The following CEP128 variants were observed in gnomAD, a reference collection of about 807,000 sequenced individuals.
CEP128 encodes the protein centrosomal protein 128kDa.
In CEP128, 132 loss-of-function variants were observed where a neutral mutation model predicts 156.7. The observed-to-expected ratio is 0.84, with a 90% CI of 0.73 to 0.97. The LOEUF is 0.97. CEP128 is among the 50% of genes least tolerant of loss of function. The pLI is 0.00. For missense variants in CEP128, 1,252 were observed against 1,281.9 expected (o/e 0.98, Z 0.36); for synonymous variants, 469 against 448.9 (o/e 1.04, Z -0.57).
intron 13 of CEP128, among the ~76,000 whole-genome samples, chr14:80,814,346 T>C (rs925832952): frequency 2.0e-5 from 3 of 152,314 alleles, no homozygotes; most frequent in African/African-American, 7.2e-5. Context: ...CTGTATTTTC[T>C]ATCATTTTGT....
chr14:80,794,262 G>C (rs1332234937), intron 13 of CEP128, among the ~76,000 whole-genome samples: 1 of 152,150 alleles, frequency 6.6e-6, no homozygotes, highest in African/African-American at 2.4e-5. Flanking sequence ...ATGATCTATG[G>C]CTCAAATAAG....
At chr14:80,684,060 C>A (rs1393178495) in intron 19 of CEP128, among the ~76,000 whole-genome samples, 3 of 151,942 alleles carry the variant, frequency 2.0e-5, no homozygotes, top group Admixed American at 1.3e-4. Context: ...GAACTAAACC[C>A]AAAGCCAGCA....
At chr14:80,646,235 A>T (rs12589019) in intron 19 of CEP128, among the ~76,000 whole-genome samples, 77,542 of 151,976 alleles carry the variant, frequency 0.51, 21,358 homozygotes, top group Non-Finnish European at 0.6. Flanking sequence ...TATCGATTGT[A>T]ACTAATGTAC....
At chr14:80,777,284 A>G (rs1040836321) in intron 16 of CEP128, among the ~76,000 whole-genome samples, 2 of 152,126 alleles carry the variant, frequency 1.3e-5, no homozygotes, top group Non-Finnish European at 2.9e-5. Flanking sequence ...GAATAGGATT[A>G]ATGCCCTTAT....
intron 14 of CEP128, among the ~76,000 whole-genome samples, chr14:80,480,053 G>C (rs1179528463): frequency 6.6e-6 from 1 of 152,150 alleles, no homozygotes; most frequent in Non-Finnish European, 1.5e-5. Context: ...CTCCCTCCTG[G>C]CTGCTTTCAT....
intron 2 of CEP128, among the ~76,000 whole-genome samples, chr14:80,929,227 G>A (rs767337700): frequency 3.9e-5 from 6 of 152,168 alleles, no homozygotes; most frequent in Non-Finnish European, 7.4e-5. Flanking sequence ...AATAGATATT[G>A]GTGTGGATGT....
intron 14 of CEP128, among the ~76,000 whole-genome samples, chr14:80,482,874 T>C (rs1400290276): frequency 6.6e-6 from 1 of 152,162 alleles, no homozygotes; most frequent in Non-Finnish European, 1.5e-5. Flanking sequence ...AGAAAATAAA[T>C]CGCTAAATGA....
rs74064244 is a variant in CEP128 at position 80,549,905 on chromosome 14, C to A, written c.2880+9374G>T. ...CCAACAGCAATTGTCTACTCCAACA[C>A]AGACAGGTGAAGTAAGTGTCTATGA... On this transcript the variant is annotated intron_variant, in intron 21 of 24. Coordinates refer to ENST00000555265, the MANE Select transcript of CEP128 (RefSeq NM_152446.5). Among the ~76,000 whole-genome samples, 1,154 of 152,280 alleles carry A rather than the reference C, an allele frequency of 7.6e-3. 21 individuals are homozygous for A. The highest frequency in any genetic ancestry group is 0.026 in the African/African-American group (1,094 of 41,560).
At chr14:80,829,965 G>A (rs769046055) in intron 13 of CEP128, among the ~76,000 whole-genome samples, 1 of 152,136 alleles carries the variant, frequency 6.6e-6, no homozygotes, top group Admixed American at 6.5e-5. Context: ...AGGAAAGAAG[G>A]GAGGGAGGAC....
At chr14:80,745,602 C>T (rs1395986675) in intron 18 of CEP128, among the ~76,000 whole-genome samples, 1 of 152,012 alleles carries the variant, frequency 6.6e-6, no homozygotes, top group Non-Finnish European at 1.5e-5. Context: ...AGAGAACCTC[C>T]TTAATATGAT....
chr14:80,838,951 TAGTC>T (rs1212811807), intron 10 of CEP128, among the ~76,000 whole-genome samples: 1 of 151,984 alleles, frequency 6.6e-6, no homozygotes, highest in African/African-American at 2.4e-5. Context: ...TACAAAAAAT[TAGTC>T]AGGCATGGTG....
chr14:80,850,872 C>A (rs1204515627), intron 9 of CEP128, among the ~76,000 whole-genome samples: 1 of 152,098 alleles, frequency 6.6e-6, no homozygotes, highest in Non-Finnish European at 1.5e-5. Context: ...AACCAGCAAC[C>A]CACTATACGA....
chr14:80,913,524 G>C (rs7140452), intron 4 of CEP128, among the ~76,000 whole-genome samples: 54,699 of 152,052 alleles, frequency 0.36, 10,266 homozygotes, highest in South Asian at 0.51. Context: ...TCAAAGGGAG[G>C]TTGGATAGAA....
rs146547987 is a variant in CEP128, at chr14:80,587,973, G to T, written c.2807-7550C>A. ...TGTTCTAGACTCATAAGGTCAACTG[G>T]GTATACATTTTGGGGCTCAGAGAAG... is the stretch of plus-strand genomic sequence containing the variant. On this transcript the variant is annotated intron_variant, in intron 19 of 24. Transcript: ENST00000555265. 3.7e-3 allele frequency among the ~76,000 whole-genome samples: 563 copies of T among 152,038 alleles called. 2 individuals carry two copies. The highest frequency in any genetic ancestry group is 6.0e-3 in the Non-Finnish European group (405 of 67,954).
In CEP128 at chr14:80,937,725, T is replaced by G. The variant is rs939211629; in HGVS notation, c.-16+1660A>C. Among the ~76,000 whole-genome samples, 5 of 152,180 alleles carry G rather than the reference T, an allele frequency of 3.3e-5. 1 individual carries two copies. The highest frequency in any genetic ancestry group is 7.4e-5 in the Non-Finnish European group (5 of 68,022). On this transcript the variant is annotated intron_variant, in intron 2 of 24. Coordinates refer to ENST00000555265, the MANE Select transcript of CEP128 (RefSeq NM_152446.5). The stretch of plus-strand genomic sequence containing the variant: ...TAGTATGAATGTATTGTAACTACTT[T>G]ATATCAGAATCAACCCAGAGACATT...
At chr14:80,673,672 T>A (rs72690942) in intron 19 of CEP128, among the ~76,000 whole-genome samples, 10,850 of 64,630 alleles carry the variant, frequency 0.17, 1,204 homozygotes, top group East Asian at 0.53. Context: ...AAAAAAAAAA[T>A]GTACTAAAGC....
intron 13 of CEP128, among the ~76,000 whole-genome samples, chr14:80,795,609 G>C (rs1199753315): frequency 3.3e-5 from 5 of 152,144 alleles, no homozygotes; most frequent in African/African-American, 9.7e-5. Flanking sequence ...ACCACATAGA[G>C]AGTCAACTCA....
chr14:80,564,759 T>C (rs184070642), intron 20 of CEP128, among the ~76,000 whole-genome samples: 1 of 152,258 alleles, frequency 6.6e-6, no homozygotes, highest in Non-Finnish European at 1.5e-5. Flanking sequence ...ACAAATTAGC[T>C]ACAAGATTAG....
intron 23 of CEP128, among the ~76,000 whole-genome samples, chr14:80,516,431 T>C (rs771034609): frequency 6.6e-6 from 1 of 152,066 alleles, no homozygotes; most frequent in African/African-American, 2.4e-5. Context: ...ATTGCCTCAG[T>C]TGGGGGAAAG....
Sources: allele counts gnomAD v4.1 joint callset (sites outside exome capture counted in the v4.1 genomes callset), GRCh38; gene constraint gnomAD v4.1.1; transcripts MANE v1.5; gene names NCBI Gene and HGNC (gene_info 2026-07-23, HGNC 2026-07-21).